The following CFAP77 variants were observed in gnomAD, a reference collection of about 807,000 sequenced individuals.
CFAP77 encodes cilia- and flagella-associated protein 77.
CFAP77 carries 25 observed loss-of-function variants against 31.1 expected under a neutral mutation model. The observed-to-expected ratio is 0.80, with a 90% CI of 0.59 to 1.12. The LOEUF is 1.12. Ranked by LOEUF, CFAP77 falls within the 50% of genes most tolerant of loss-of-function variation. The pLI is 0.00. For missense variants in CFAP77, 377 were observed against 397.3 expected, an observed-to-expected ratio of 0.95 and a Z score of 0.44; for synonymous variants, 151 against 159.9, an observed-to-expected ratio of 0.94 and a Z score of 0.42.
rs979412600 is a variant in CFAP77, at chr9:132,497,350, C to T, written c.196-1345C>T. 2.0e-5 allele frequency among the ~76,000 whole-genome samples: 3 copies of T among 152,348 alleles called. No individual in the cohort carries two copies. The highest frequency in any genetic ancestry group is 4.1e-4 in the South Asian group (2 of 4,828). ...ATATAGACGAGATGGCAGGAGACAG[C>T]GAGGCCAGAGCCCACCAGACCCTCT... is the stretch of plus-strand genomic sequence containing the variant. On this transcript the variant is annotated intron_variant, in intron 1 of 5. Coordinates refer to ENST00000393216, the MANE Select transcript of CFAP77 (RefSeq NM_001282957.2). This position sits in a 1 kb window ranked among gnomAD's most constrained non-coding sequence, Gnocchi z 4.9.
At chr9:132,561,661 A>ACAC (rs1247071368) in intron 5 of CFAP77, among the ~76,000 whole-genome samples, 4 of 46,460 alleles carry the variant, frequency 8.6e-5, no homozygotes, top group Non-Finnish European at 8.5e-5. Context: ...ACACACACAC[A>ACAC]CCCCCTCCAT....
intron 1 of CFAP77, among the ~76,000 whole-genome samples, chr9:132,456,433 C>A (rs1208843377): frequency 6.6e-6 from 1 of 152,190 alleles, no homozygotes; most frequent in African/African-American, 2.4e-5. Context: ...TGGTATGGCG[C>A]CAGGCATGCG....
rs369540664 is a variant in CFAP77, at chr9:132,499,616, G to A, written c.524+16G>A. On this transcript the variant is annotated intron_variant, in intron 3 of 5. Transcript: ENST00000393216. The surrounding 1 kb of genome is among the most constrained non-coding windows in gnomAD (Gnocchi z 5.4). ...TCCGGGCACGGTAAGGTGGCTGGCA[G>A]CCAGGGCTTCATCCCTTGAGGGGGT... 6.2e-6 allele frequency: 10 copies of A among 1,612,258 alleles called. No individual in the cohort carries two copies. The African/African-American group carries it at 1.3e-4, about 22-fold the overall frequency.
At chr9:132,422,031 G>A (rs894916326) in intron 1 of CFAP77, among the ~76,000 whole-genome samples, 2 of 148,270 alleles carry the variant, frequency 1.3e-5, no homozygotes, top group African/African-American at 2.6e-5. Flanking sequence ...TTTTTGAGAC[G>A]GAGTTTTGCT....
intron 3 of CFAP77, chr9:132,513,227 T>G: frequency 6.5e-7 from 1 of 1,535,986 alleles, no homozygotes; most frequent in Non-Finnish European, 8.8e-7. Context: ...GAGCAAAACA[T>G]TTTAACCAAT....
At chr9:132,563,635 A>G (rs1829851648) in intron 5 of CFAP77, among the ~76,000 whole-genome samples, 1 of 152,208 alleles carries the variant, frequency 6.6e-6, no homozygotes, top group Non-Finnish European at 1.5e-5. Flanking sequence ...TCTGCAGGGC[A>G]TGTATGTAAA....
chr9:132,499,492 T>C lies in CFAP77; in HGVS notation c.416T>C (p.Leu139Ser). Residue 139 changes from leucine to serine, a missense_variant, in exon 3 of 6, where the codon TTG becomes TCG. Physicochemically the swap from Leu to Ser is moderately radical, Grantham distance 145. Transcript: ENST00000393216. This position sits in a 1 kb window ranked among gnomAD's most constrained non-coding sequence, Gnocchi z 5.4. ...GGCCTGGTGACTGCCCGGGAGAACT[T>C]GCTCTACCGTCAGCTCAATGACATC... ...KAGLVTARENLLYRQLNDIRI... is the reference protein window; with the variant it reads ...KAGLVTARENSLYRQLNDIRI... The C allele has an allele frequency of 6.2e-7, 1 of 1,614,152 alleles. No homozygotes were observed. Among genetic ancestry groups the C allele is most frequent in the African/African-American group, 1.3e-5 (1 of 75,042 alleles).
At position 132,481,494 on chromosome 9, in the gene CFAP77, C is replaced by T. The variant is rs1175441404; in HGVS notation, c.196-17201C>T. 1.3e-5 allele frequency among the ~76,000 whole-genome samples: 2 copies of T among 152,232 alleles called. No individual in the cohort carries two copies. On this transcript the variant is annotated intron_variant, in intron 1 of 5. Transcript: ENST00000393216. The surrounding 1 kb of genome is among the most constrained non-coding windows in gnomAD (Gnocchi z 5.0). The stretch of plus-strand genomic sequence containing the variant: ...ATCCATCTTTGTGTGCTCAAGGTAC[C>T]GAGCACAGTGGCTTGCACCCCGTCG...
At chr9:132,566,405 G>C (rs1468738590) in intron 5 of CFAP77, among the ~76,000 whole-genome samples, 1 of 152,194 alleles carries the variant, frequency 6.6e-6, no homozygotes, top group African/African-American at 2.4e-5. Flanking sequence ...CCTCCTCCGG[G>C]CGTTCCAAGG....
chr9:132,432,833 C>G (rs1469370448), intron 1 of CFAP77, among the ~76,000 whole-genome samples: 1 of 152,192 alleles, frequency 6.6e-6, no homozygotes, highest in African/African-American at 2.4e-5. Context: ...CCTGCCTTAG[C>G]CTCCCGAGTA....
chr9:132,443,497 C>A (rs920016064), intron 1 of CFAP77, among the ~76,000 whole-genome samples: 1 of 152,156 alleles, frequency 6.6e-6, no homozygotes, highest in Non-Finnish European at 1.5e-5. Flanking sequence ...AGGTGATCCG[C>A]CTGCCTCGGC....
chr9:132,531,243 G>T (rs1171391426), intron 3 of CFAP77, among the ~76,000 whole-genome samples: 2 of 152,144 alleles, frequency 1.3e-5, no homozygotes, highest in African/African-American at 4.8e-5. Flanking sequence ...TTTTCAACAA[G>T]AAATAATTAC....
At position 132,517,405 on chromosome 9, in the gene CFAP77, G is replaced by A. The variant is rs1458327166; in HGVS notation, c.524+17805G>A. Among the ~76,000 whole-genome samples, 1 of 152,230 alleles carries A rather than the reference G, an allele frequency of 6.6e-6. No homozygotes were observed. The highest frequency in any genetic ancestry group is 1.5e-5 in the Non-Finnish European group (1 of 68,044). ...GTCTTGAGTGGAATCACGTTGAACA[G>A]ACCTCGGCGCTGTCATTGATTTTCC... is the stretch of plus-strand genomic sequence containing the variant. On this transcript the variant is annotated intron_variant, in intron 3 of 5. Coordinates refer to ENST00000393216, the MANE Select transcript of CFAP77 (RefSeq NM_001282957.2). The surrounding 1 kb of genome is among the most constrained non-coding windows in gnomAD (Gnocchi z 4.7).
At chr9:132,434,428 A>G (rs1322265559) in intron 1 of CFAP77, among the ~76,000 whole-genome samples, 1 of 152,104 alleles carries the variant, frequency 6.6e-6, no homozygotes, top group African/African-American at 2.4e-5. Flanking sequence ...ATGTTTGTCA[A>G]ATGAGCAAAT....
chr9:132,553,648 A>G (rs556312168), intron 5 of CFAP77, among the ~76,000 whole-genome samples: 1 of 152,268 alleles, frequency 6.6e-6, no homozygotes, highest in Admixed American at 6.5e-5. Context: ...CCATTTCTTC[A>G]TAGACAACCA....
intron 1 of CFAP77, among the ~76,000 whole-genome samples, chr9:132,440,386 C>G (rs1311211830): frequency 6.6e-6 from 1 of 151,956 alleles, no homozygotes; most frequent in African/African-American, 2.4e-5. Context: ...TCACATTGAC[C>G]GAACAGTTTC....
intron 1 of CFAP77, among the ~76,000 whole-genome samples, chr9:132,439,038 G>C (rs566643337): frequency 6.6e-6 from 1 of 151,872 alleles, no homozygotes; most frequent in South Asian, 2.1e-4. Flanking sequence ...ACTACACCCA[G>C]CTAATTTTTG....
intron 5 of CFAP77, among the ~76,000 whole-genome samples, chr9:132,558,564 G>C (rs778609046): frequency 2.3e-4 from 35 of 151,032 alleles, no homozygotes; most frequent in Admixed American, 1.5e-3. Flanking sequence ...AATCAGCCAG[G>C]CGTGGTGGCA....
At chr9:132,418,776 C>A in intron 1 of CFAP77, among the ~76,000 whole-genome samples, 1 of 152,278 alleles carries the variant, frequency 6.6e-6, no homozygotes, top group African/African-American at 2.4e-5. Flanking sequence ...AATCACTGAC[C>A]GGTAGACAAG....
Sources: gnomAD v4.1 joint callset for allele counts (sites outside exome capture counted in the v4.1 genomes callset) on GRCh38, gnomAD v4.1.1 for gene constraint, Gnocchi (gnomAD v3.1) non-coding constraint, MANE v1.5 for transcripts, NCBI Gene and HGNC (gene_info 2026-07-23, HGNC 2026-07-21) for gene names.